PPP1R12B: variants seen among roughly 807,000 people sequenced by gnomAD.
PPP1R12B encodes the protein protein phosphatase 1 regulatory subunit 12B.
Under a neutral mutation model 126.1 loss-of-function variants are expected in PPP1R12B, and 76 were observed. That is an observed-to-expected ratio of 0.60 (90% CI 0.50 to 0.73). The LOEUF (loss-of-function observed/expected upper bound fraction) is 0.73, where lower values mean the gene tolerates loss of function less well. Ranked by LOEUF, PPP1R12B falls within the 30% of genes least tolerant of loss-of-function variation. The probability of loss-of-function intolerance (pLI) is 0.00; values close to 1 mark genes in which losing one functional copy is unlikely to be tolerated. For synonymous variants in PPP1R12B, 356 were observed against 434.7 expected, an observed-to-expected ratio of 0.82 and a Z score of 2.25; for missense variants, 1,052 against 1,205.1, an observed-to-expected ratio of 0.87 and a Z score of 1.88.
chr1:202,445,338 C>T lies in PPP1R12B; in HGVS notation c.1667+2766C>T, dbSNP rs547828426. 2.2e-4 allele frequency: 205 copies of T among 938,278 alleles called. No homozygotes were observed. In the African/African-American group the frequency reaches 2.6e-3, roughly 12 times the overall value. The allele number at this position is 938,278 out of a possible 1,614,324, so 58.1% of individuals were successfully genotyped here. A position where few individuals can be genotyped will look rare whatever the true frequency, so the allele number is the denominator to read the frequency against. On this transcript the variant is annotated intron_variant, in intron 12 of 23. Transcript: ENST00000608999. ...TTATCACTATAAAAACAAGTTAGAACTCCTGAGAAAATGTCTGAATTTAAT... is the reference window on the plus strand; with the variant it reads ...TTATCACTATAAAAACAAGTTAGAATTCCTGAGAAAATGTCTGAATTTAAT...
At chr1:202,391,175 AACTT>A (rs1028113153) in intron 1 of PPP1R12B, among the ~76,000 whole-genome samples, 11 of 150,794 alleles carry the variant, frequency 7.3e-5, no homozygotes, top group Non-Finnish European at 1.2e-4. Flanking sequence ...ATAAATAAAT[AACTT>A]AATAATAAGA....
At chr1:202,475,606 A>G (rs532547145) in intron 13 of PPP1R12B, among the ~76,000 whole-genome samples, 48 of 152,350 alleles carry the variant, frequency 3.2e-4, no homozygotes, top group African/African-American at 1.1e-3. Flanking sequence ...AACATGGTTA[A>G]AATCCCTTTA....
At chr1:202,492,854 G>T (rs705742) in intron 14 of PPP1R12B, among the ~76,000 whole-genome samples, 1 of 151,920 alleles carries the variant, frequency 6.6e-6, no homozygotes, top group Non-Finnish European at 1.5e-5. Context: ...GCAGACATCA[G>T]TGTTGACCTA....
chr1:202,416,031 G>A (rs1414894161), intron 1 of PPP1R12B, among the ~76,000 whole-genome samples: 1 of 152,082 alleles, frequency 6.6e-6, no homozygotes, highest in African/African-American at 2.4e-5. Context: ...CCTGGCTTCA[G>A]GCGATCCTCT....
At chr1:202,485,285 A>C (rs10920412) in intron 13 of PPP1R12B, among the ~76,000 whole-genome samples, 1 of 151,732 alleles carries the variant, frequency 6.6e-6, no homozygotes, top group African/African-American at 2.4e-5. Context: ...TGTGAACATG[A>C]TAGAGTGATG....
rs1689850273 is a variant in PPP1R12B, at chr1:202,586,934, A to T, written c.*6374A>T. 1 of 152,244 alleles carries T rather than the reference A, an allele frequency of 6.6e-6. No homozygotes were observed. 9.4% of individuals were successfully genotyped at this position (152,244 alleles called of 1,614,324 possible). A position where few individuals can be genotyped will look rare whatever the true frequency, so the allele number is the denominator to read the frequency against. On this transcript the variant is annotated 3_prime_UTR_variant, in exon 24 of 24. Transcript: ENST00000608999. ...CATTTGCTAGCCCAGAGCTTTTAAA[A>T]TGAGGTCTGGCATATACTTGATTAC...
chr1:202,366,142 C>T (rs908240613), intron 1 of PPP1R12B, among the ~76,000 whole-genome samples: 65 of 152,142 alleles, frequency 4.3e-4, no homozygotes, highest in African/African-American at 1.4e-3. Context: ...GTTTTCCTAC[C>T]TCCTTCATGT....
chr1:202,558,664 G>A (rs1687202953), intron 18 of PPP1R12B: 6 of 491,184 alleles, frequency 1.2e-5, no homozygotes, highest in Non-Finnish European at 7.2e-6. Context: ...GTGAATCATG[G>A]CATGCAAAGA....
At chr1:202,546,894 AGAGAT>A (rs1460503112) in intron 18 of PPP1R12B, among the ~76,000 whole-genome samples, 1 of 152,204 alleles carries the variant, frequency 6.6e-6, no homozygotes, top group Admixed American at 6.5e-5. Flanking sequence ...CAAGCAGATA[AGAGAT>A]ATGTTTCTTT....
intron 14 of PPP1R12B, among the ~76,000 whole-genome samples, chr1:202,490,286 G>A (rs1028243262): frequency 2.0e-5 from 3 of 152,156 alleles, no homozygotes; most frequent in Admixed American, 6.5e-5. Flanking sequence ...AGGTCAAGTA[G>A]CAAATTTCAC....
chr1:202,390,338 G>A (rs1663935112), intron 1 of PPP1R12B, among the ~76,000 whole-genome samples: 1 of 152,190 alleles, frequency 6.6e-6, no homozygotes, highest in African/African-American at 2.4e-5. Flanking sequence ...AAACATAGCA[G>A]TAATGTTTTC....
At chr1:202,364,288 AT>A (rs1184818667) in intron 1 of PPP1R12B, among the ~76,000 whole-genome samples, 2 of 152,200 alleles carry the variant, frequency 1.3e-5, no homozygotes, top group African/African-American at 2.4e-5. Context: ...ATGATACCTT[AT>A]AGTTGTATTC....
intron 1 of PPP1R12B, among the ~76,000 whole-genome samples, chr1:202,382,704 C>T (rs749002668): frequency 6.6e-6 from 1 of 151,660 alleles, no homozygotes; most frequent in African/African-American, 2.4e-5. Flanking sequence ...TGGCAAAACC[C>T]TGTCTCTACT....
intron 19 of PPP1R12B, among the ~76,000 whole-genome samples, chr1:202,560,832 T>C (rs945538410): frequency 1.3e-5 from 2 of 152,056 alleles, no homozygotes; most frequent in Admixed American, 6.5e-5. Context: ...AAATTTAAAA[T>C]CTCTAAGTAA....
At chr1:202,366,280 A>G (rs1659218005) in intron 1 of PPP1R12B, among the ~76,000 whole-genome samples, 1 of 152,156 alleles carries the variant, frequency 6.6e-6, no homozygotes, top group East Asian at 1.9e-4. Flanking sequence ...GCACTTTGGG[A>G]GGCTGAGGCG....
At chr1:202,495,217 A>C in intron 15 of PPP1R12B, 76 bp from the exon 16 acceptor site, 1 of 1,365,884 alleles carries the variant, frequency 7.3e-7, no homozygotes, top group East Asian at 2.3e-5. Flanking sequence ...AGAAAAAAAC[A>C]TTTTGTATAA....
Position 202,449,236 on chromosome 1 carries a change from A to C in PPP1R12B, c.1850+65A>C, listed in dbSNP as rs757596116. ...TGAGGTAGACGATAAAGGAATGGGCATAAAGTGTTTTTCCCAATTTCAAAT... is the reference window on the plus strand; with the variant it reads ...TGAGGTAGACGATAAAGGAATGGGCCTAAAGTGTTTTTCCCAATTTCAAAT... On this transcript the variant is annotated intron_variant, in intron 13 of 23. Coordinates refer to ENST00000608999, the MANE Select transcript of PPP1R12B (RefSeq NM_002481.4). 438 of 1,498,430 alleles carry C rather than the reference A, an allele frequency of 2.9e-4. 1 individual carries two copies. The highest frequency in any genetic ancestry group is 3.8e-4 in the Non-Finnish European group (432 of 1,122,318). 92.8% of individuals were successfully genotyped at this position (1,498,430 alleles called of 1,614,324 possible).
intron 18 of PPP1R12B, among the ~76,000 whole-genome samples, chr1:202,545,856 T>A (rs567239856): frequency 6.6e-6 from 1 of 152,312 alleles, no homozygotes; most frequent in South Asian, 2.1e-4. Flanking sequence ...GAGAGCTGCA[T>A]ATCGGTGTGG....
intron 23 of PPP1R12B, among the ~76,000 whole-genome samples, chr1:202,574,095 G>A (rs1688869165): frequency 1.3e-5 from 2 of 149,622 alleles, no homozygotes; most frequent in Admixed American, 6.7e-5. Flanking sequence ...GTTAGAGGAC[G>A]ATCCAGAGAG....
Sources: allele counts gnomAD v4.1 joint callset (sites outside exome capture counted in the v4.1 genomes callset), GRCh38; gene constraint gnomAD v4.1.1; transcripts MANE v1.5; gene names NCBI Gene and HGNC (gene_info 2026-07-23, HGNC 2026-07-21).